Variants in RNF150 observed in about 807,000 individuals in gnomAD.
The protein encoded by RNF150 is ring finger protein 150.
Under a neutral mutation model 39.3 loss-of-function variants are expected in RNF150, and 24 were observed. That is an observed-to-expected ratio of 0.61 (90% CI 0.44 to 0.86). The LOEUF (loss-of-function observed/expected upper bound fraction) is 0.86, where lower values mean the gene tolerates loss of function less well. Ranked by LOEUF, RNF150 falls within the 40% of genes least tolerant of loss-of-function variation. The pLI, the probability that RNF150 is intolerant of heterozygous loss-of-function variation, is 0.00. For synonymous variants in RNF150, 255 were observed against 227.3 expected (o/e 1.12, Z -1.10); for missense variants, 502 against 587.8 (o/e 0.85, Z 1.51).
chr4:141,059,712 G>T (rs2110915205), intron 1 of RNF150, among the ~76,000 whole-genome samples: 1 of 152,124 alleles, frequency 6.6e-6, no homozygotes, highest in African/African-American at 2.4e-5. Context: ...ATGATTTAAA[G>T]AATCTATTTG....
At chr4:140,885,441 T>TC in intron 6 of RNF150, among the ~76,000 whole-genome samples, 1 of 143,854 alleles carries the variant, frequency 7.0e-6, no homozygotes, top group East Asian at 2.0e-4. Context: ...ATATCTTTTT[T>TC]TTTTTTTTTT....
chr4:141,207,965 CA>C (rs66969003), intron 1 of RNF150, among the ~76,000 whole-genome samples: 33,487 of 151,356 alleles, frequency 0.22, 3,880 homozygotes, highest in South Asian at 0.32. Flanking sequence ...AAACAGAAAA[CA>C]AAAAAAAGCG....
In RNF150 at chr4:141,000,008, G is replaced by GAA. The variant is rs1476707356; in HGVS notation, c.485-32137_485-32136dup. ...GAAAAGAAGAAAAGAAGAAGAAGAA[G>GAA]AAGAAGAAGAAGAAGAAGAAGAAGA... On this transcript the variant is annotated intron_variant, in intron 1 of 6. Transcript: ENST00000515673. 9.5e-3 allele frequency among the ~76,000 whole-genome samples: 306 copies of GAA among 32,378 alleles called. 5 individuals are homozygous for GAA. Among genetic ancestry groups the GAA allele is most frequent in the African/African-American group, 0.018 (178 of 10,094 alleles). 21.2% of individuals were successfully genotyped at this position (32,378 alleles called of 152,430 possible).
At chr4:141,126,662 T>TA (rs2111098832) in intron 1 of RNF150, among the ~76,000 whole-genome samples, 1 of 152,310 alleles carries the variant, frequency 6.6e-6, no homozygotes, top group East Asian at 1.9e-4. Flanking sequence ...CACCTCCAGG[T>TA]ACTCTTTCCA....
At position 140,976,054 on chromosome 4, in the gene RNF150, C is replaced by T. The variant is rs972307475; in HGVS notation, c.485-8181G>A. On this transcript the variant is annotated intron_variant, in intron 1 of 6. Transcript: ENST00000515673. Reference sequence around the variant, plus strand: ...GAATAATCCCTTCAGTTCCTTGATCCTTAACCTTCTTGCTTTGATTGGTTC... The same window carrying T: ...GAATAATCCCTTCAGTTCCTTGATCTTTAACCTTCTTGCTTTGATTGGTTC... Among the ~76,000 whole-genome samples the T allele has an allele frequency of 2.1e-4, 32 of 152,168 alleles. 1 individual carries two copies. Among genetic ancestry groups the T allele is most frequent in the Admixed American group, 1.8e-3 (27 of 15,266 alleles).
intron 6 of RNF150, among the ~76,000 whole-genome samples, chr4:140,909,176 C>A (rs1033487034): frequency 6.6e-6 from 1 of 152,116 alleles, no homozygotes; most frequent in Non-Finnish European, 1.5e-5. Context: ...CTCTGGGGCA[C>A]AATTTTCTCA....
chr4:140,914,282 AC>A (rs1190602116), intron 5 of RNF150, among the ~76,000 whole-genome samples: 1 of 152,158 alleles, frequency 6.6e-6, no homozygotes, highest in African/African-American at 2.4e-5. Context: ...AGTTTACAGA[AC>A]CTCACAGATT....
chr4:141,157,455 C>G (rs1379713971), intron 1 of RNF150, among the ~76,000 whole-genome samples: 4 of 152,172 alleles, frequency 2.6e-5, no homozygotes, highest in Admixed American at 2.0e-4. Flanking sequence ...CAGAGCAAAA[C>G]TAGGGCTCTG....
intron 1 of RNF150, among the ~76,000 whole-genome samples, chr4:141,017,207 T>A (rs938450975): frequency 3.9e-5 from 6 of 152,172 alleles, no homozygotes; most frequent in Non-Finnish European, 7.4e-5. Flanking sequence ...ACGTGGAATT[T>A]GTCAACTTTC....
At chr4:141,036,249 T>C (rs1379253035) in intron 1 of RNF150, among the ~76,000 whole-genome samples, 2 of 152,206 alleles carry the variant, frequency 1.3e-5, no homozygotes, top group East Asian at 3.9e-4. Context: ...GTGCTTTATA[T>C]GTTTTGGGCC....
intron 1 of RNF150, among the ~76,000 whole-genome samples, chr4:140,981,744 C>T (rs1560998568): frequency 1.3e-5 from 2 of 152,100 alleles, no homozygotes; most frequent in South Asian, 2.1e-4. Flanking sequence ...GGTTATAGTG[C>T]ATTGTATTTG....
At chr4:141,064,621 C>CAAA (rs141752245) in intron 1 of RNF150, among the ~76,000 whole-genome samples, 285 of 151,488 alleles carry the variant, frequency 1.9e-3, no homozygotes, top group African/African-American at 5.7e-3. Flanking sequence ...ACAACAACAA[C>CAAA]AAAAAATTAA....
chr4:141,084,538 C>CT (rs556843392), intron 1 of RNF150, among the ~76,000 whole-genome samples: 6 of 152,092 alleles, frequency 3.9e-5, no homozygotes, highest in Non-Finnish European at 5.9e-5. Context: ...ACGAAAAACA[C>CT]TTTTTTCCCC....
At chr4:141,036,416 C>T (rs533266343) in intron 1 of RNF150, among the ~76,000 whole-genome samples, 12 of 152,196 alleles carry the variant, frequency 7.9e-5, no homozygotes, top group South Asian at 4.1e-4. Flanking sequence ...ATTGACCATC[C>T]GAACCATTTT....
At chr4:141,199,745 T>G (rs2111214599) in intron 1 of RNF150, among the ~76,000 whole-genome samples, 1 of 152,328 alleles carries the variant, frequency 6.6e-6, no homozygotes, top group Middle Eastern at 3.4e-3. Flanking sequence ...ATTACAATTA[T>G]AATGAGAAAT....
chr4:140,953,063 A>T (rs1303138379), intron 2 of RNF150, among the ~76,000 whole-genome samples: 1 of 152,234 alleles, frequency 6.6e-6, no homozygotes, highest in Non-Finnish European at 1.5e-5. Flanking sequence ...ATCTAAACAT[A>T]GAACAGATAC....
At chr4:141,208,856 A>G (rs147618687) in intron 1 of RNF150, among the ~76,000 whole-genome samples, 5 of 152,286 alleles carry the variant, frequency 3.3e-5, no homozygotes, top group African/African-American at 9.6e-5. Flanking sequence ...TTAGCCTGCT[A>G]CTGTTTTGTG....
At chr4:140,870,399 T>C (rs1728881976) in intron 6 of RNF150, among the ~76,000 whole-genome samples, 1 of 152,166 alleles carries the variant, frequency 6.6e-6, no homozygotes, top group South Asian at 2.1e-4. Flanking sequence ...CACACTTCAC[T>C]ACAAAATACA....
chr4:141,007,003 T>A (rs1007199475), intron 1 of RNF150, among the ~76,000 whole-genome samples: 2 of 152,242 alleles, frequency 1.3e-5, no homozygotes, highest in Non-Finnish European at 2.9e-5. Context: ...AAAAAAGTTA[T>A]CTGTACTAGG....
Sources: gnomAD v4.1 joint callset for allele counts (sites outside exome capture counted in the v4.1 genomes callset) on GRCh38, gnomAD v4.1.1 for gene constraint, MANE v1.5 for transcripts, NCBI Gene and HGNC (gene_info 2026-07-23, HGNC 2026-07-21) for gene names.